COL24A1: variants seen among roughly 807,000 people sequenced by gnomAD.
COL24A1 encodes the protein collagen alpha-1(XXIV) chain.
Under a neutral mutation model 253.9 loss-of-function variants are expected in COL24A1, and 224 were observed. That is an observed-to-expected ratio of 0.88 (90% confidence interval 0.79 to 0.99). The LOEUF (loss-of-function observed/expected upper bound fraction) is 0.99. Ranked by LOEUF, COL24A1 falls within the 50% of genes least tolerant of loss-of-function variation. The pLI, the probability that COL24A1 is intolerant of heterozygous loss-of-function variation, is 0.00. For missense variants in COL24A1, 2,131 were observed against 2,068.5 expected, an observed-to-expected ratio of 1.03 and a Z score of -0.59; for synonymous variants, 685 against 673.7, an observed-to-expected ratio of 1.02 and a Z score of -0.26.
rs184153020 is a variant in COL24A1, at chr1:85,981,295, T to A, written c.2364+6306A>T. 3.9e-4 allele frequency among the ~76,000 whole-genome samples: 59 copies of A among 152,308 alleles called. 1 individual carries two copies. In the East Asian group the frequency reaches 0.011, roughly 27 times the overall value. On this transcript the variant is annotated intron_variant, in intron 20 of 59. Transcript: ENST00000370571. ...CATGGTACTGGTATAAAATTAGGCA[T>A]GTAGACCAATGGGCCAGACAAGAGA...
intron 53 of COL24A1, among the ~76,000 whole-genome samples, chr1:85,770,602 T>A (rs551107484): frequency 6.6e-6 from 1 of 151,810 alleles, no homozygotes; most frequent in Non-Finnish European, 1.5e-5. Context: ...AATTACTTGC[T>A]TATAAATAAC....
intron 5 of COL24A1, among the ~76,000 whole-genome samples, chr1:86,100,208 T>G (rs1434749437): frequency 6.6e-6 from 1 of 152,170 alleles, no homozygotes; most frequent in Non-Finnish European, 1.5e-5. Context: ...ATTCAGCTAT[T>G]CTTCAAAGAT....
At chr1:86,108,620 T>TAAAAAAAAA (rs55852463) in intron 5 of COL24A1, among the ~76,000 whole-genome samples, 2 of 83,102 alleles carry the variant, frequency 2.4e-5, no homozygotes, top group South Asian at 9.7e-4. Context: ...CCATCTCTAC[T>TAAAAAAAAA]AAAAAAAAAA....
At chr1:85,897,363 T>C (rs1683847104) in intron 28 of COL24A1, among the ~76,000 whole-genome samples, 1 of 151,574 alleles carries the variant, frequency 6.6e-6, no homozygotes, top group Non-Finnish European at 1.5e-5. Context: ...TGTTTACCTA[T>C]GTAACAAACC....
At position 85,934,532 on chromosome 1, in the gene COL24A1, A is replaced by G. The variant is rs527802793; in HGVS notation, c.2563-23099T>C. ...ATGAAATGCATAACATTTCATTCTT[A>G]TTAGTTATTATCTATCATGAATAAG... On this transcript the variant is annotated intron_variant, in intron 24 of 59. Coordinates refer to ENST00000370571, the MANE Select transcript of COL24A1 (RefSeq NM_152890.7). 4.6e-5 allele frequency among the ~76,000 whole-genome samples: 7 copies of G among 152,304 alleles called. No homozygotes were observed. The East Asian group carries it at 1.4e-3, about 29-fold the overall frequency.
chr1:85,843,963 T>C (rs1273745500), intron 39 of COL24A1, among the ~76,000 whole-genome samples: 1 of 151,948 alleles, frequency 6.6e-6, no homozygotes, highest in Non-Finnish European at 1.5e-5. Context: ...GGAGAAAATG[T>C]GATGAACAGA....
chr1:85,953,893 T>C (rs1690176132), intron 24 of COL24A1, among the ~76,000 whole-genome samples: 1 of 152,172 alleles, frequency 6.6e-6, no homozygotes, highest in South Asian at 2.1e-4. Context: ...CTATCAATTC[T>C]AAAACAAGTA....
intron 2 of COL24A1, among the ~76,000 whole-genome samples, chr1:86,135,790 T>C (rs1650144630): frequency 6.7e-6 from 1 of 149,834 alleles, no homozygotes; most frequent in African/African-American, 2.4e-5. Flanking sequence ...AGAATATTTG[T>C]CAGTTTAACA....
rs1340107218 is a variant in COL24A1, at chr1:85,816,905, T to C, written c.3844-10A>G. 1.3e-6 allele frequency: 2 copies of C among 1,587,034 alleles called. No individual in the cohort carries two copies. The highest frequency in any genetic ancestry group is 8.7e-7 in the Non-Finnish European group (1 of 1,155,950). On this transcript the variant is annotated splice_polypyrimidine_tract_variant and intron_variant, in intron 46 of 59. Coordinates refer to ENST00000370571, the MANE Select transcript of COL24A1 (RefSeq NM_152890.7). ...GTAGGCCTTGAAGTCCCTTGATAAT[T>C]AAAAATTATTTGGATTGTAGAGATG...
At chr1:86,144,458 G>T (rs1361259847) in intron 2 of COL24A1, among the ~76,000 whole-genome samples, 1 of 152,124 alleles carries the variant, frequency 6.6e-6, no homozygotes, top group Admixed American at 6.5e-5. Flanking sequence ...TGTCTTCAGA[G>T]ACGGACAGAC....
intron 43 of COL24A1, among the ~76,000 whole-genome samples, chr1:85,832,068 T>C (rs893182986): frequency 1.3e-5 from 2 of 152,042 alleles, no homozygotes; most frequent in Non-Finnish European, 2.9e-5. Flanking sequence ...AGGTCTAACA[T>C]GTAAGTCTTT....
At chr1:86,054,083 A>G (rs1364144448) in intron 10 of COL24A1, among the ~76,000 whole-genome samples, 3 of 152,136 alleles carry the variant, frequency 2.0e-5, no homozygotes, top group African/African-American at 7.2e-5. Flanking sequence ...AAAACTTGCT[A>G]ACCATATGCA....
At chr1:85,868,653 T>C (rs1275963916) in intron 36 of COL24A1, 27 bp from the exon 37 acceptor site, 1 of 1,582,604 alleles carries the variant, frequency 6.3e-7, no homozygotes, top group African/African-American at 1.3e-5. Flanking sequence ...AAGTTTTCTA[T>C]AAAGGAATAC....
intron 32 of COL24A1, among the ~76,000 whole-genome samples, chr1:85,877,385 T>G (rs942340489): frequency 1.3e-5 from 2 of 152,224 alleles, no homozygotes; most frequent in African/African-American, 4.8e-5. Flanking sequence ...TTTTTGAGAC[T>G]GAGTTTCACT....
At chr1:85,748,126 T>G (rs1463690776) in intron 55 of COL24A1, among the ~76,000 whole-genome samples, 1 of 152,260 alleles carries the variant, frequency 6.6e-6, no homozygotes, top group African/African-American at 2.4e-5. Context: ...TATTTTTGCT[T>G]GAGAGCTTGA....
chr1:85,891,047 T>C (rs922216410), intron 31 of COL24A1, among the ~76,000 whole-genome samples: 1 of 151,612 alleles, frequency 6.6e-6, no homozygotes, highest in Non-Finnish European at 1.5e-5. Flanking sequence ...GTAAATTGCA[T>C]CTTTTTTTCT....
intron 53 of COL24A1, among the ~76,000 whole-genome samples, chr1:85,772,282 G>A (rs1330611175): frequency 3.3e-5 from 5 of 151,600 alleles, no homozygotes; most frequent in Admixed American, 2.0e-4. Flanking sequence ...AGTTAGAATG[G>A]CAATCATTAA....
At chr1:86,128,647 A>G (rs1462301768) in intron 2 of COL24A1, among the ~76,000 whole-genome samples, 2 of 151,940 alleles carry the variant, frequency 1.3e-5, no homozygotes, top group African/African-American at 2.4e-5. Context: ...AAAACTTTAA[A>G]AAGCATATGT....
intron 32 of COL24A1, 54 bp downstream of exon 32, chr1:85,889,506 G>T: frequency 1.4e-6 from 2 of 1,454,330 alleles, no homozygotes; most frequent in East Asian, 2.3e-5. Flanking sequence ...TAATGGAAAT[G>T]TAAATGTATT....
Sources: allele counts gnomAD v4.1 joint callset (sites outside exome capture counted in the v4.1 genomes callset), GRCh38; gene constraint gnomAD v4.1.1; transcripts MANE v1.5; gene names NCBI Gene and HGNC (gene_info 2026-07-23, HGNC 2026-07-21).